Variants in FERMT1 observed in about 807,000 individuals in gnomAD.
FERMT1 encodes the protein fermitin family homolog 1.
FERMT1 carries 60 observed loss-of-function variants against 85.3 expected under a neutral mutation model. The ratio of observed to expected loss-of-function variants is 0.70; its 90% CI spans 0.57 to 0.87. The LOEUF (loss-of-function observed/expected upper bound fraction) is 0.87. Ranked by LOEUF, FERMT1 falls within the 40% of genes least tolerant of loss-of-function variation. The pLI is 0.00. For missense variants in FERMT1, 701 were observed against 818.9 expected (o/e 0.86, Z 1.76); for synonymous variants, 275 against 301.1 (o/e 0.91, Z 0.90).
chr20:6,119,877 C>A (rs1983219713), intron 1 of FERMT1, among the ~76,000 whole-genome samples: 1 of 152,192 alleles, frequency 6.6e-6, no homozygotes, highest in South Asian at 2.1e-4. Context: ...TCCTCATTTT[C>A]TCTCTATTGA....
chr20:6,103,602 A>G (rs891350280), intron 6 of FERMT1, among the ~76,000 whole-genome samples: 3 of 152,116 alleles, frequency 2.0e-5, no homozygotes, highest in African/African-American at 7.2e-5. Context: ...TTGCCACTGT[A>G]AAGCATTGTA....
chr20:6,096,395 T>C (rs1982499231), intron 8 of FERMT1, among the ~76,000 whole-genome samples: 1 of 152,154 alleles, frequency 6.6e-6, no homozygotes, highest in Non-Finnish European at 1.5e-5. Context: ...CACAGTAGTG[T>C]GTGTCTGTAG....
At chr20:6,079,630 A>G in intron 13 of FERMT1, 53 bp from the exon 14 acceptor site, 1 of 1,497,472 alleles carries the variant, frequency 6.7e-7, no homozygotes, top group African/African-American at 1.4e-5. Flanking sequence ...CTATAATACA[A>G]TGTTCACTCA....
chr20:6,111,130 C>CACAGTTTT (rs1285580160), intron 4 of FERMT1, among the ~76,000 whole-genome samples: 3 of 151,976 alleles, frequency 2.0e-5, no homozygotes, highest in Non-Finnish European at 2.9e-5. Flanking sequence ...TCTAATAATT[C>CACAGTTTT]ACAGTTTTCC....
intron 9 of FERMT1, among the ~76,000 whole-genome samples, chr20:6,092,343 G>A (rs113716491): frequency 6.0e-4 from 91 of 152,258 alleles, no homozygotes; most frequent in African/African-American, 2.0e-3. Context: ...AGGAGTTTGA[G>A]ACCAGCTTGG....
chr20:6,107,186 ACT>A (rs1982819167), intron 6 of FERMT1, among the ~76,000 whole-genome samples: 1 of 133,314 alleles, frequency 7.5e-6, no homozygotes, highest in African/African-American at 2.9e-5. Flanking sequence ...ACAGAGCAAG[ACT>A]CTGTCTCAAC....
rs1162275820 is a variant in FERMT1, at chr20:6,119,424, A to T, written c.131T>A (p.Leu44His). 2 of 1,614,130 alleles carry T rather than the reference A, an allele frequency of 1.2e-6. No homozygotes were observed. Among genetic ancestry groups the T allele is most frequent in the Non-Finnish European group, 1.7e-6 (2 of 1,179,994 alleles). Residue 44 changes from leucine (L) to histidine (H), a missense_variant, in exon 2 of 15, where the codon CTC (leucine) becomes CAC (histidine). Coordinates refer to ENST00000217289, the MANE Select transcript of FERMT1 (RefSeq NM_017671.5). ...CTTACTGATCTGTTCTACTAACTTG[A>T]GCATCACTCCTCCAACATGAAGGTC... ...SGDLHVGGVM[L>H]KLVEQINISQ...
chr20:6,110,258 G>C, intron 5 of FERMT1, 40 bp downstream of exon 5: 3 of 1,502,684 alleles, frequency 2.0e-6, no homozygotes, highest in Non-Finnish European at 2.8e-6. Context: ...TACTGTGTCG[G>C]CACTAGCTCA....
rs1159357255 is a variant in FERMT1, at chr20:6,077,306, G to A, written c.1901C>T (p.Thr634Ile). 1 of 1,614,188 alleles carries A rather than the reference G, an allele frequency of 6.2e-7. No individual in the cohort carries two copies. Among genetic ancestry groups the A allele is most frequent in the East Asian group, 2.2e-5 (1 of 44,886 alleles). Residue 634 changes from threonine to isoleucine, a missense_variant, in exon 15 of 15, where the codon ACC becomes ATC. Physicochemically the swap from Thr to Ile is moderately conservative, Grantham distance 89. Transcript: ENST00000217289. ...AATCTTGCAATCTGCACTCAGGCAG[G>A]TGAAAGCAGTAAAGACGTTTTGGTC... ...EFDQNVFTAF[T>I]CLSADCKIVH...
chr20:6,098,706 T>C (rs1041088122), intron 6 of FERMT1, among the ~76,000 whole-genome samples: 3 of 151,974 alleles, frequency 2.0e-5, no homozygotes, highest in African/African-American at 7.3e-5. Flanking sequence ...CTTTACACTA[T>C]CCAAAAATAT....
Position 6,076,458 on chromosome 20 carries a change from T to A in FERMT1, c.*715A>T, listed in dbSNP as rs747864690. On this transcript the variant is annotated 3_prime_UTR_variant, in exon 15 of 15. Coordinates refer to ENST00000217289, the MANE Select transcript of FERMT1 (RefSeq NM_017671.5). ...AGGACTTACAGGTGGCTGAGAGATC[T>A]GTAGGAATGGAATGGGGCTTGCAGG... The A allele has an allele frequency of 1.9e-5, 10 of 518,076 alleles. No homozygotes were observed. Among genetic ancestry groups the A allele is most frequent in the African/African-American group, 1.9e-4 (10 of 51,948 alleles). The allele number at this position is 518,076 out of a possible 1,614,324, so 32.1% of individuals were successfully genotyped here. A position where few individuals can be genotyped will look rare whatever the true frequency, so the allele number is the denominator to read the frequency against.
chr20:6,116,681 G>T (rs1442145948), intron 2 of FERMT1, among the ~76,000 whole-genome samples: 1 of 148,896 alleles, frequency 6.7e-6, no homozygotes, highest in East Asian at 2.0e-4. Context: ...ATGAGCCGAG[G>T]TCACACCATT....
chr20:6,079,483 T>A lies in FERMT1; in HGVS notation c.1813A>T (p.Arg605Ter), dbSNP rs781325089. ...AATGIPVTTW[R>*]FTNIKQWNVN... The stretch of plus-strand genomic sequence containing the variant: ...TTCCACTGTTTGATATTTGTGAATC[T>A]CCATGTTGTCACTGGAATCCCGGTG... Residue 605 changes from arginine to a stop codon, truncating the protein, a stop_gained, in exon 14 of 15, where the codon AGA becomes TGA. Coordinates refer to ENST00000217289, the MANE Select transcript of FERMT1 (RefSeq NM_017671.5). LOFTEE classifies it high-confidence loss of function. 6.2e-7 allele frequency: 1 copy of A among 1,614,158 alleles called. No individual in the cohort carries two copies.
intron 3 of FERMT1, 35 bp from the exon 4 acceptor site, chr20:6,112,658 G>A: frequency 7.0e-7 from 1 of 1,428,730 alleles, no homozygotes; most frequent in East Asian, 2.4e-5. Flanking sequence ...TGAAGAAAAA[G>A]TAAAAAGAAA....
rs1182763289 is a variant in FERMT1, at chr20:6,119,396, T to A, written c.151+8A>T. The A allele has an allele frequency of 6.2e-7, 1 of 1,613,710 alleles. No homozygotes were observed. Among genetic ancestry groups the A allele is most frequent in the Non-Finnish European group, 8.5e-7 (1 of 1,179,738 alleles). On this transcript the variant is annotated splice_region_variant and intron_variant, in intron 2 of 14. Coordinates refer to ENST00000217289, the MANE Select transcript of FERMT1 (RefSeq NM_017671.5). Reference sequence around the variant, plus strand: ...ATACAGAGAAACCGTAAAGCAAGAGTAACTTACTGATCTGTTCTACTAACT... The same window carrying A: ...ATACAGAGAAACCGTAAAGCAAGAGAAACTTACTGATCTGTTCTACTAACT...
intron 9 of FERMT1, among the ~76,000 whole-genome samples, chr20:6,093,772 C>T (rs933041767): frequency 6.6e-6 from 1 of 152,188 alleles, no homozygotes; most frequent in East Asian, 1.9e-4. Flanking sequence ...GCCTGGCCAA[C>T]ATGGTGAAAT....
At chr20:6,119,340 A>T in intron 2 of FERMT1, 64 bp downstream of exon 2, 4 of 1,488,750 alleles carry the variant, frequency 2.7e-6, no homozygotes, top group Non-Finnish European at 3.7e-6. Context: ...TACACCAGCC[A>T]TTAGTGGTGA....
intron 13 of FERMT1, among the ~76,000 whole-genome samples, chr20:6,081,047 G>A (rs1426950446): frequency 1.3e-5 from 2 of 152,186 alleles, no homozygotes; most frequent in African/African-American, 4.8e-5. Flanking sequence ...AGCACTCTGG[G>A]AGGCCGAGGC....
intron 13 of FERMT1, among the ~76,000 whole-genome samples, chr20:6,082,310 C>T (rs978981266): frequency 6.6e-6 from 1 of 152,158 alleles, no homozygotes; most frequent in Non-Finnish European, 1.5e-5. Context: ...ACAGTAGGTT[C>T]GGAGAGCCCA....
Sources: gnomAD v4.1 joint callset for allele counts (sites outside exome capture counted in the v4.1 genomes callset) on GRCh38, gnomAD v4.1.1 for gene constraint, MANE v1.5 for transcripts, NCBI Gene and HGNC (gene_info 2026-07-23, HGNC 2026-07-21) for gene names.